The following LPCAT2 variants were observed in gnomAD, a reference collection of about 807,000 sequenced individuals.
LPCAT2 encodes lysophosphatidylcholine acyltransferase 2.
In LPCAT2, 58 loss-of-function variants were observed where a neutral mutation model predicts 64.7. The ratio of observed to expected loss-of-function variants is 0.90; its 90% CI spans 0.73 to 1.12. LPCAT2 has a LOEUF of 1.12. Among genes scored for constraint, LPCAT2 ranks in the 50% most tolerant of loss-of-function variants. The pLI is 0.00. For synonymous variants in LPCAT2, 252 were observed against 245.3 expected (o/e 1.03, Z -0.26); for missense variants, 579 against 669.8 (o/e 0.86, Z 1.50).
chr16:55,546,382 A>G (rs547704264), intron 9 of LPCAT2, among the ~76,000 whole-genome samples: 1 of 152,324 alleles, frequency 6.6e-6, no homozygotes, highest in East Asian at 1.9e-4. Flanking sequence ...GAAAGAATGT[A>G]TTATACTATA....
Position 55,531,985 on chromosome 16 carries a change from T to C in LPCAT2, c.703+11T>C. 5 of 1,470,154 alleles carry C rather than the reference T, an allele frequency of 3.4e-6. No individual in the cohort carries two copies. The highest frequency in any genetic ancestry group is 4.8e-6 in the Non-Finnish European group (5 of 1,050,430). The allele number at this position is 1,470,154 out of a possible 1,614,324, so 91.1% of individuals were successfully genotyped here. On this transcript the variant is annotated intron_variant, in intron 5 of 13. Transcript: ENST00000262134. ...TTACTTTTAAACCAGGTGAGAAAAATTAAATTATGTATTCTAACAAAGTAA... is the reference window on the plus strand; with the variant it reads ...TTACTTTTAAACCAGGTGAGAAAAACTAAATTATGTATTCTAACAAAGTAA...
intron 8 of LPCAT2, chr16:55,540,490 A>T (rs2142390852): frequency 6.6e-6 from 1 of 152,312 alleles, no homozygotes; most frequent in Admixed American, 6.5e-5. Context: ...ATGAATTAAG[A>T]GTCTGTTAGT....
At chr16:55,536,527 C>A (rs1451789099) in intron 7 of LPCAT2, among the ~76,000 whole-genome samples, 2 of 152,156 alleles carry the variant, frequency 1.3e-5, no homozygotes, top group Non-Finnish European at 1.5e-5. Context: ...TGAACTGACA[C>A]ATTAACAATT....
intron 10 of LPCAT2, 111 bp downstream of exon 10, chr16:55,549,513 G>A (rs1963491454): frequency 9.4e-7 from 1 of 1,063,350 alleles, no homozygotes; most frequent in Non-Finnish European, 1.3e-6. Flanking sequence ...CCCATTTGGT[G>A]TATATTAGGA....
chr16:55,561,246 T>G (rs1187286908), intron 11 of LPCAT2, among the ~76,000 whole-genome samples: 1 of 152,086 alleles, frequency 6.6e-6, no homozygotes, highest in South Asian at 2.1e-4. Context: ...TTTCCATTTT[T>G]GGACTATTTT....
At chr16:55,577,192 T>G (rs1328712265) in intron 12 of LPCAT2, among the ~76,000 whole-genome samples, 2 of 152,222 alleles carry the variant, frequency 1.3e-5, no homozygotes, top group Non-Finnish European at 2.9e-5. Context: ...AGAAATGGAC[T>G]TGAAGCCAGA....
At chr16:55,530,097 CCAGTATTAAG>C (rs2142380560) in intron 4 of LPCAT2, 150 bp downstream of exon 4, 1 of 508,550 alleles carries the variant, frequency 2.0e-6, no homozygotes, top group Admixed American at 3.8e-5. Context: ...AATACAGTAG[CCAGTATTAAG>C]AAGTCCTCTT....
chr16:55,548,479 A>G (rs941274793), intron 9 of LPCAT2, among the ~76,000 whole-genome samples: 3 of 152,164 alleles, frequency 2.0e-5, no homozygotes, highest in Non-Finnish European at 4.4e-5. Flanking sequence ...ATTTGGATAG[A>G]TTGTTTACTT....
At chr16:55,526,740 C>T (rs1426752891) in intron 2 of LPCAT2, among the ~76,000 whole-genome samples, 3 of 151,928 alleles carry the variant, frequency 2.0e-5, no homozygotes, top group African/African-American at 7.3e-5. Context: ...TTTTTATTGT[C>T]GGTGGCTTAT....
At chr16:55,509,608 G>A (rs1013263020) in intron 1 of LPCAT2, among the ~76,000 whole-genome samples, 12 of 151,056 alleles carry the variant, frequency 7.9e-5, no homozygotes, top group Non-Finnish European at 1.5e-4. Flanking sequence ...TCTGACGGGG[G>A]AGGGCGGTCG....
chr16:55,572,301 T>TA (rs1200023073), intron 11 of LPCAT2, among the ~76,000 whole-genome samples: 3 of 152,288 alleles, frequency 2.0e-5, no homozygotes, highest in Admixed American at 1.3e-4. Flanking sequence ...ACAATAAAGA[T>TA]ACAACATAAA....
At chr16:55,560,018 G>A (rs544883204) in intron 11 of LPCAT2, among the ~76,000 whole-genome samples, 77 of 152,082 alleles carry the variant, frequency 5.1e-4, no homozygotes, top group Non-Finnish European at 7.5e-4. Flanking sequence ...GTATACTTGG[G>A]AGATGCACAG....
chr16:55,571,362 G>A (rs552186422), intron 11 of LPCAT2, among the ~76,000 whole-genome samples: 1 of 152,098 alleles, frequency 6.6e-6, no homozygotes, highest in African/African-American at 2.4e-5. Context: ...GTGCTGGGGG[G>A]CCATGAGCTC....
chr16:55,523,621 G>A (rs1963128717), intron 1 of LPCAT2, among the ~76,000 whole-genome samples: 1 of 151,682 alleles, frequency 6.6e-6, no homozygotes, highest in Admixed American at 6.6e-5. Flanking sequence ...TGATATATAT[G>A]AAAATATGGT....
In LPCAT2 at chr16:55,516,392, A is replaced by G. The variant is rs1963012038; in HGVS notation, c.171+7040A>G. Among the ~76,000 whole-genome samples the G allele has an allele frequency of 2.6e-5, 4 of 152,238 alleles. No homozygotes were observed. The South Asian group carries it at 8.3e-4, about 31-fold the overall frequency. On this transcript the variant is annotated intron_variant, in intron 1 of 13. Transcript: ENST00000262134. ...AGTGCTGGGATTATAGGTGTGAGCC[A>G]CCATGCCTGGTCAAGAGACATACTT...
intron 12 of LPCAT2, 41 bp from the exon 13 acceptor site, chr16:55,579,068 T>G: frequency 1.9e-6 from 3 of 1,598,128 alleles, no homozygotes; most frequent in Non-Finnish European, 2.6e-6. Flanking sequence ...CCTACCACTA[T>G]GATCCTGAGG....
At chr16:55,515,393 A>G (rs1294924647) in intron 1 of LPCAT2, among the ~76,000 whole-genome samples, 5 of 152,152 alleles carry the variant, frequency 3.3e-5, no homozygotes, top group Admixed American at 6.5e-5. Context: ...CTAGAAAACT[A>G]TCCTTAAAAT....
chr16:55,511,990 C>T (rs1276446281), intron 1 of LPCAT2, among the ~76,000 whole-genome samples: 1 of 152,182 alleles, frequency 6.6e-6, no homozygotes, highest in African/African-American at 2.4e-5. Flanking sequence ...ATCTTCTCCA[C>T]AGTACTCTTC....
At chr16:55,551,338 ATC>A in intron 11 of LPCAT2, 1 of 173,902 alleles carries the variant, frequency 5.8e-6, no homozygotes, top group Non-Finnish European at 1.2e-5. Flanking sequence ...ATCATATCAT[ATC>A]ATATATATAT....
Sources: gnomAD v4.1 joint callset for allele counts (sites outside exome capture counted in the v4.1 genomes callset) on GRCh38, gnomAD v4.1.1 for gene constraint, MANE v1.5 for transcripts, NCBI Gene and HGNC (gene_info 2026-07-23, HGNC 2026-07-21) for gene names.